C14orf132: variants seen among roughly 807,000 people sequenced by gnomAD.
C14orf132 encodes the protein uncharacterized protein C14orf132.
C14orf132 carries 6 observed loss-of-function variants against 5.8 expected under a neutral mutation model. That is an observed-to-expected ratio of 1.03 (90% CI 0.57 to 2.04). The LOEUF (loss-of-function observed/expected upper bound fraction) is 2.04. C14orf132 is among the 30% of genes most tolerant of loss of function. C14orf132 has a pLI of 0.00. For missense variants in C14orf132, 125 were observed against 115.8 expected (o/e 1.08, Z -0.37); for synonymous variants, 51 against 49.8 (o/e 1.02, Z -0.10).
In C14orf132 at chr14:96,087,816, C is replaced by T. The variant is rs199566314; in HGVS notation, c.*1081C>T. ...CTGAAGCTGTGAAAGTGCTTCTGCC[C>T]AAGCCACTTCCTTAAATTCTGAAAT... On this transcript the variant is annotated 3_prime_UTR_variant, in exon 2 of 2. Coordinates refer to ENST00000555004, the MANE Select transcript of C14orf132 (RefSeq NM_001252507.3). The T allele has an allele frequency of 1.6e-4, 25 of 152,274 alleles. No individual in the cohort carries two copies. The highest frequency in any genetic ancestry group is 1.4e-3 in the Admixed American group (22 of 15,300). 9.4% of individuals were successfully genotyped at this position (152,274 alleles called of 1,614,324 possible). A position where few individuals can be genotyped will look rare whatever the true frequency, so the allele number is the denominator to read the frequency against.
chr14:96,042,440 T>G (rs7147874), intron 1 of C14orf132, among the ~76,000 whole-genome samples: 98,327 of 152,032 alleles, frequency 0.65, 32,042 homozygotes, highest in East Asian at 0.89. Flanking sequence ...CTGGAGGGAT[T>G]CCTGGGGCTG....
chr14:96,086,824 C>CA lies in C14orf132; in HGVS notation c.*89_*90insA. The CA allele has an allele frequency of 6.0e-6, 8 of 1,338,414 alleles. No homozygotes were observed. The highest frequency in any genetic ancestry group is 8.1e-6 in the Non-Finnish European group (8 of 990,714). The allele number at this position is 1,338,414 out of a possible 1,614,324, so 82.9% of individuals were successfully genotyped here. A position where few individuals can be genotyped will look rare whatever the true frequency, so the allele number is the denominator to read the frequency against. On this transcript the variant is annotated 3_prime_UTR_variant, in exon 2 of 2. Coordinates refer to ENST00000555004, the MANE Select transcript of C14orf132 (RefSeq NM_001252507.3). ...CTTTGGCTTCTCCTGTGTTCTAGAA[C>CA]CAGGAGTTTTGACCAGGGGCGGCGG...
intron 1 of C14orf132, among the ~76,000 whole-genome samples, chr14:96,078,041 T>A (rs1385917186): frequency 6.6e-6 from 1 of 152,250 alleles, no homozygotes; most frequent in Non-Finnish European, 1.5e-5. Flanking sequence ...TGTGTAACCC[T>A]CTGGCTGCAA....
At chr14:96,043,841 G>A (rs35471629) in intron 1 of C14orf132, among the ~76,000 whole-genome samples, 8,912 of 152,228 alleles carry the variant, frequency 0.059, 338 homozygotes, top group East Asian at 0.15. Context: ...AAAATGTTTG[G>A]GCCCAGAGTG....
At chr14:96,063,142 T>C (rs890579844) in intron 1 of C14orf132, among the ~76,000 whole-genome samples, 3 of 152,144 alleles carry the variant, frequency 2.0e-5, no homozygotes, top group African/African-American at 7.2e-5. Flanking sequence ...CAGGGAGCTG[T>C]GAAGCAGCCG....
intron 1 of C14orf132, among the ~76,000 whole-genome samples, chr14:96,071,395 C>T (rs1477393374): frequency 6.6e-6 from 1 of 152,126 alleles, no homozygotes; most frequent in African/African-American, 2.4e-5. Context: ...CACAGCCAAA[C>T]CATTTCACTC....
intron 1 of C14orf132, among the ~76,000 whole-genome samples, chr14:96,058,259 C>T (rs1203577459): frequency 1.3e-5 from 2 of 152,150 alleles, no homozygotes; most frequent in East Asian, 1.9e-4. Context: ...TACTCACAAA[C>T]ACAACTTGTG....
intron 1 of C14orf132, among the ~76,000 whole-genome samples, chr14:96,078,239 GGCAACACAGCTCA>G (rs1887933509): frequency 6.6e-6 from 1 of 152,244 alleles, no homozygotes; most frequent in Admixed American, 6.5e-5. Context: ...TCGCAACCGT[GGCAACACAGCTCA>G]GCAACTGACA....
rs986146826 is a variant in C14orf132, at chr14:96,091,852, A to T, written c.*5117A>T. 6.6e-6 allele frequency: 1 copy of T among 152,248 alleles called. No individual in the cohort carries two copies. The allele number at this position is 152,248 out of a possible 1,614,324, so 9.4% of individuals were successfully genotyped here. A position where few individuals can be genotyped will look rare whatever the true frequency, so the allele number is the denominator to read the frequency against. ...GAGCCCACAGCTTCCAAGCAGGAAA[A>T]GGGACCTCTCTGAAAAATCTGGATA... On this transcript the variant is annotated 3_prime_UTR_variant, in exon 2 of 2. Coordinates refer to ENST00000555004, the MANE Select transcript of C14orf132 (RefSeq NM_001252507.3).
At chr14:96,077,125 A>G (rs1374842783) in intron 1 of C14orf132, among the ~76,000 whole-genome samples, 1 of 152,224 alleles carries the variant, frequency 6.6e-6, no homozygotes, top group Non-Finnish European at 1.5e-5. Flanking sequence ...TTCTGTTGTC[A>G]GGTGGAAGGT....
chr14:96,065,529 T>C (rs1887505794), intron 1 of C14orf132, among the ~76,000 whole-genome samples: 2 of 152,120 alleles, frequency 1.3e-5, no homozygotes, highest in South Asian at 2.1e-4. Flanking sequence ...GTTTCACTTT[T>C]ATTCCTTTTG....
intron 1 of C14orf132, among the ~76,000 whole-genome samples, chr14:96,065,616 GT>G (rs11381674): frequency 2.0e-5 from 3 of 150,060 alleles, no homozygotes; most frequent in East Asian, 2.0e-4. Flanking sequence ...GGATTACATA[GT>G]TTTTTTCTTG....
At chr14:96,061,306 T>C (rs1887349710) in intron 1 of C14orf132, among the ~76,000 whole-genome samples, 1 of 152,158 alleles carries the variant, frequency 6.6e-6, no homozygotes, top group Non-Finnish European at 1.5e-5. Context: ...AGACATGGGG[T>C]GCAGATGGCC....
In C14orf132 at chr14:96,057,587, G is replaced by A. The variant is rs78875660; in HGVS notation, c.27+18060G>A. On this transcript the variant is annotated intron_variant, in intron 1 of 1. Coordinates refer to ENST00000555004, the MANE Select transcript of C14orf132 (RefSeq NM_001252507.3). ...TGAAGGAGCTCATTGAACCCCAGTG[G>A]CACACAGGGTGAACCGGCCCAGCAG... 3.7e-3 allele frequency among the ~76,000 whole-genome samples: 562 copies of A among 152,286 alleles called. 31 individuals carry two copies. The East Asian group carries it at 0.088, about 24-fold the overall frequency.
chr14:96,093,895 C>G lies in C14orf132; in HGVS notation c.*7160C>G, dbSNP rs192569546. 1 of 152,240 alleles carries G rather than the reference C, an allele frequency of 6.6e-6. No homozygotes were observed. The highest frequency in any genetic ancestry group is 2.4e-5 in the African/African-American group (1 of 41,448). 9.4% of individuals were successfully genotyped at this position (152,240 alleles called of 1,614,324 possible). A position where few individuals can be genotyped will look rare whatever the true frequency, so the allele number is the denominator to read the frequency against. ...AGAAAAGAAGAAAACATGAACTCCT[C>G]TGTGTCTGGTTCTCATCTGTGCTTT... On this transcript the variant is annotated 3_prime_UTR_variant, in exon 2 of 2. Transcript: ENST00000555004.
chr14:96,077,694 T>G (rs558984942), intron 1 of C14orf132, among the ~76,000 whole-genome samples: 2 of 152,360 alleles, frequency 1.3e-5, no homozygotes, highest in East Asian at 3.9e-4. Flanking sequence ...AGCTAACTAG[T>G]ACACTGTGTC....
chr14:96,064,373 C>T lies in C14orf132; in HGVS notation c.28-22138C>T, dbSNP rs1192940536. Reference sequence around the variant, plus strand: ...ACTAGGGTGCATATATACACACACACACACACACACACACACACACATATA... The same window carrying T: ...ACTAGGGTGCATATATACACACACATACACACACACACACACACACATATA... On this transcript the variant is annotated intron_variant, in intron 1 of 1. Coordinates refer to ENST00000555004, the MANE Select transcript of C14orf132 (RefSeq NM_001252507.3). 9.4e-5 allele frequency among the ~76,000 whole-genome samples: 14 copies of T among 148,164 alleles called. 2 individuals are homozygous for T. The highest frequency in any genetic ancestry group is 2.0e-4 in the East Asian group (1 of 5,126).
At chr14:96,067,143 G>A (rs1887555651) in intron 1 of C14orf132, among the ~76,000 whole-genome samples, 1 of 152,186 alleles carries the variant, frequency 6.6e-6, no homozygotes. Flanking sequence ...GTGCCCAGAA[G>A]GGGCTCAGGA....
intron 1 of C14orf132, among the ~76,000 whole-genome samples, chr14:96,071,512 G>T (rs905472374): frequency 6.6e-6 from 1 of 152,208 alleles, no homozygotes; most frequent in African/African-American, 2.4e-5. Flanking sequence ...TGGATTTGGT[G>T]GCATAAACTC....
Sources: gnomAD v4.1 joint callset for allele counts (sites outside exome capture counted in the v4.1 genomes callset) on GRCh38, gnomAD v4.1.1 for gene constraint, MANE v1.5 for transcripts, NCBI Gene and HGNC (gene_info 2026-07-23, HGNC 2026-07-21) for gene names.